The following GLIS3 variants were observed in gnomAD, a reference collection of about 807,000 sequenced individuals.
The protein encoded by GLIS3 is zinc finger protein GLIS3.
A neutral mutation model predicts 78.6 loss-of-function variants in GLIS3; 53 were observed. That is an observed-to-expected ratio of 0.67 (90% CI 0.54 to 0.85). The LOEUF (loss-of-function observed/expected upper bound fraction) is 0.85, where lower values mean the gene tolerates loss of function less well. Ranked by LOEUF, GLIS3 falls within the 40% of genes least tolerant of loss-of-function variation. GLIS3 has a pLI of 0.00. For missense variants in GLIS3, 1,703 were observed against 1,231.1 expected (o/e 1.38, Z -5.74); for synonymous variants, 684 against 509.9 (o/e 1.34, Z -4.60).
the GLIS3 span, among the ~76,000 whole-genome samples, chr9:4,443,530 C>G: frequency 1.3e-5 from 2 of 152,058 alleles, no homozygotes; most frequent in African/African-American, 4.8e-5. Flanking sequence ...AAAGAACGAT[C>G]AAGGGAAAGC....
chr9:4,061,241 G>A (rs1220776502), intron 4 of GLIS3, among the ~76,000 whole-genome samples: 6 of 130,408 alleles, frequency 4.6e-5, no homozygotes, highest in African/African-American at 1.8e-4. Context: ...ACAGGCCCCG[G>A]TGTGTGATGT....
intron 2 of GLIS3, among the ~76,000 whole-genome samples, chr9:4,191,308 C>T (rs1161159711): frequency 6.6e-6 from 1 of 152,116 alleles, no homozygotes; most frequent in African/African-American, 2.4e-5. Context: ...TAGTGATACA[C>T]AAAATAACGG....
At chr9:4,298,468 T>C (rs555206764) in intron 1 of GLIS3, 1 of 449,116 alleles carries the variant, frequency 2.2e-6, no homozygotes, top group South Asian at 1.6e-5. Context: ...CCGAGGTGAC[T>C]TGTCAGCTCC....
chr9:4,467,621 C>G, the GLIS3 span, among the ~76,000 whole-genome samples: 1 of 152,090 alleles, frequency 6.6e-6, no homozygotes, highest in African/African-American at 2.4e-5. Context: ...ACACCAAAAC[C>G]CCATCTGTAC....
intron 4 of GLIS3, among the ~76,000 whole-genome samples, chr9:4,036,359 T>G (rs377642220): frequency 6.6e-6 from 1 of 152,306 alleles, no homozygotes; most frequent in East Asian, 1.9e-4. Context: ...GTTTTACTAT[T>G]CTCTGCTCCC....
At chr9:4,476,964 G>A in the GLIS3 span, among the ~76,000 whole-genome samples, 1 of 152,078 alleles carries the variant, frequency 6.6e-6, no homozygotes, top group Non-Finnish European at 1.5e-5. Flanking sequence ...CATTGCTGGT[G>A]GGATGTAAGA....
the GLIS3 span, among the ~76,000 whole-genome samples, chr9:4,483,048 C>T: frequency 1.3e-5 from 2 of 152,120 alleles, no homozygotes; most frequent in African/African-American, 2.4e-5. Flanking sequence ...TCAAGTAGAG[C>T]TTGCAAGGGA....
Position 3,829,314 on chromosome 9 carries a change from A to G in GLIS3, c.2652T>C (p.Ile884=). The G allele has an allele frequency of 1.2e-6, 2 of 1,613,852 alleles. No individual in the cohort carries two copies. Among genetic ancestry groups the G allele is most frequent in the East Asian group, 4.5e-5 (2 of 44,826 alleles). ...AGTCACAGACAACCAACACACCTGT[A>G]ATGCCCGAGTGAGTCGAGAAGGCTC... ...FHRAFSTHSG[I]TVYDLPSSSS... is the part of the protein sequence containing the mutation. Residue 884 remains isoleucine (I), a synonymous_variant, in exon 10 of 11, where the codon ATT becomes ATC. Transcript: ENST00000381971.
At chr9:4,084,393 A>G (rs1334053379) in intron 4 of GLIS3, among the ~76,000 whole-genome samples, 2 of 152,068 alleles carry the variant, frequency 1.3e-5, no homozygotes, top group Non-Finnish European at 2.9e-5. Flanking sequence ...ATGCATGCGC[A>G]AGGAGAGGAA....
the GLIS3 span, among the ~76,000 whole-genome samples, chr9:4,365,102 G>C: frequency 6.6e-6 from 1 of 152,094 alleles, no homozygotes; most frequent in Non-Finnish European, 1.5e-5. Flanking sequence ...CCTGTTCCTG[G>C]TGTAGGTCAT....
At chr9:4,232,383 A>T (rs1480198123) in intron 2 of GLIS3, among the ~76,000 whole-genome samples, 5 of 4,510 alleles carry the variant, frequency 1.1e-3, no homozygotes, top group Non-Finnish European at 6.0e-3. Context: ...CTTGTCTCTT[A>T]AAAAAAAAAA....
chr9:4,169,813 G>A (rs929608645), intron 2 of GLIS3, among the ~76,000 whole-genome samples: 1 of 152,258 alleles, frequency 6.6e-6, no homozygotes, highest in African/African-American at 2.4e-5. Flanking sequence ...GAGTATAGGA[G>A]AATTCGGTAC....
chr9:4,302,575 TC>T (rs1464992687), upstream of GLIS3, among the ~76,000 whole-genome samples: 1 of 152,218 alleles, frequency 6.6e-6, no homozygotes, highest in Non-Finnish European at 1.5e-5. Flanking sequence ...CATCTAATTC[TC>T]AAATCAAATG....
At chr9:4,230,483 G>A (rs540132204) in intron 2 of GLIS3, among the ~76,000 whole-genome samples, 1 of 152,132 alleles carries the variant, frequency 6.6e-6, no homozygotes, top group African/African-American at 2.4e-5. Flanking sequence ...AAAAGAAAGC[G>A]ATAGAAAATG....
the GLIS3 span, among the ~76,000 whole-genome samples, chr9:4,437,580 C>T: frequency 5.3e-5 from 8 of 152,280 alleles, no homozygotes; most frequent in African/African-American, 1.7e-4. Context: ...GGCCCAAAGT[C>T]GCAAAACTAT....
chr9:4,030,490 G>A (rs1647976928), intron 4 of GLIS3, among the ~76,000 whole-genome samples: 1 of 152,068 alleles, frequency 6.6e-6, no homozygotes, highest in East Asian at 1.9e-4. Context: ...TGTTTTGTGG[G>A]GTACTGCTCA....
intron 2 of GLIS3, among the ~76,000 whole-genome samples, chr9:4,131,634 A>G (rs1435267965): frequency 6.6e-6 from 1 of 152,202 alleles, no homozygotes; most frequent in Non-Finnish European, 1.5e-5. Context: ...CATCATTGAA[A>G]GTTTCCTGAG....
intron 2 of GLIS3, among the ~76,000 whole-genome samples, chr9:4,234,379 G>C (rs953064936): frequency 6.6e-6 from 1 of 152,284 alleles, no homozygotes. Context: ...CAATACTGCT[G>C]TGTTTTAAGG....
chr9:4,042,656 C>T (rs1404645161), intron 4 of GLIS3, among the ~76,000 whole-genome samples: 1 of 152,126 alleles, frequency 6.6e-6, no homozygotes, highest in Non-Finnish European at 1.5e-5. Context: ...GGTTAATTAA[C>T]ATCATGCTGC....
Sources: gnomAD v4.1 joint callset for allele counts (sites outside exome capture counted in the v4.1 genomes callset) on GRCh38, gnomAD v4.1.1 for gene constraint, MANE v1.5 for transcripts, NCBI Gene and HGNC (gene_info 2026-07-23, HGNC 2026-07-21) for gene names.